ACACA: variants seen among roughly 807,000 people sequenced by gnomAD.
ACACA encodes acetyl-CoA carboxylase 1.
A neutral mutation model predicts 296.1 loss-of-function variants in ACACA; 103 were observed. The ratio of observed to expected loss-of-function variants is 0.35; its 90% CI spans 0.30 to 0.41. The LOEUF is 0.41. ACACA is among the 10% of genes least tolerant of loss of function. The probability of loss-of-function intolerance (pLI) is 1.00; values close to 1 mark genes in which losing one functional copy is unlikely to be tolerated. For missense variants in ACACA, 1,554 were observed against 2,989.7 expected, an observed-to-expected ratio of 0.52 and a Z score of 11.20; for synonymous variants, 953 against 1,038.6, an observed-to-expected ratio of 0.92 and a Z score of 1.58.
At chr17:37,141,806 C>T (rs541352328) in intron 45 of ACACA, among the ~76,000 whole-genome samples, 2 of 151,928 alleles carry the variant, frequency 1.3e-5, no homozygotes, top group Non-Finnish European at 2.9e-5. Flanking sequence ...ATTCTCCTGC[C>T]TCAGCCTCCT....
intron 5 of ACACA, among the ~76,000 whole-genome samples, chr17:37,279,377 G>A: frequency 6.6e-6 from 1 of 152,206 alleles, no homozygotes; most frequent in East Asian, 1.9e-4. Flanking sequence ...GCTCACGCCT[G>A]TAATCCTAGC....
chr17:37,303,772 C>T (rs762935845), intron 3 of ACACA, among the ~76,000 whole-genome samples: 23 of 152,276 alleles, frequency 1.5e-4, no homozygotes, highest in Middle Eastern at 3.4e-3. Flanking sequence ...GCAGGAGAAT[C>T]GCATGAACCC....
chr17:37,335,180 C>G (rs996517570), intron 2 of ACACA, among the ~76,000 whole-genome samples: 1 of 152,118 alleles, frequency 6.6e-6, no homozygotes, highest in African/African-American at 2.4e-5. Context: ...CTATTTAATA[C>G]CACCCTGACT....
intron 1 of ACACA, 94 bp downstream of exon 1, chr17:37,406,168 G>T: frequency 7.1e-7 from 1 of 1,413,378 alleles, no homozygotes; most frequent in Non-Finnish European, 1.0e-6. Flanking sequence ...TGTGTAACCT[G>T]CTTTGTGCAA....
Position 37,252,102 on chromosome 17 carries a change from G to A in ACACA, c.1984C>T (p.Arg662Ter), listed in dbSNP as rs755352202. 5.6e-6 allele frequency: 9 copies of A among 1,613,976 alleles called. No individual in the cohort carries two copies. The highest frequency in any genetic ancestry group is 5.3e-5 in the African/African-American group (4 of 74,898). Reference sequence around the variant, plus strand: ...ACAACCCCCAACATGGTGTCAGGTCGCTCAGCCTGAAAGGAGGAAAAAGAG... The same window carrying A: ...ACAACCCCCAACATGGTGTCAGGTCACTCAGCCTGAAAGGAGGAAAAAGAG... ...RLIAEKVQAERPDTMLGVVCG... is the reference protein window; with the variant it reads ...RLIAEKVQAE The change falls in exon 16 of 56, where the codon CGA (arginine) becomes TGA (stop). Residue 662 changes from arginine (R) to a stop codon, truncating the protein, a stop_gained. Coordinates refer to ENST00000616317, the MANE Select transcript of ACACA (RefSeq NM_198834.3). LOFTEE classifies it high-confidence loss of function.
chr17:37,333,633 A>G (rs1379772534), intron 2 of ACACA, among the ~76,000 whole-genome samples: 2 of 151,784 alleles, frequency 1.3e-5, no homozygotes, highest in East Asian at 1.9e-4. Flanking sequence ...CAAACCCTTC[A>G]CTTAGGTATT....
chr17:37,379,295 G>A, intron 1 of ACACA: 1 of 1,613,986 alleles, frequency 6.2e-7, no homozygotes, highest in African/African-American at 1.3e-5. Context: ...AATCATTGCT[G>A]CTCCCCGCAG....
chr17:37,379,114 C>A, intron 1 of ACACA: 1 of 1,593,076 alleles, frequency 6.3e-7, no homozygotes, highest in Non-Finnish European at 8.5e-7. Context: ...CTCCATTTTT[C>A]TATCTGGTTC....
At chr17:37,098,848 A>G (rs955638617) in intron 52 of ACACA, among the ~76,000 whole-genome samples, 1 of 152,230 alleles carries the variant, frequency 6.6e-6, no homozygotes, top group Non-Finnish European at 1.5e-5. Flanking sequence ...CCCAATCAAT[A>G]GTGTCCCAGT....
intron 27 of ACACA, among the ~76,000 whole-genome samples, chr17:37,223,999 C>T (rs1037609502): frequency 6.6e-6 from 1 of 152,174 alleles, no homozygotes; most frequent in Non-Finnish European, 1.5e-5. Context: ...GTCAGGAGTT[C>T]GAGACCAGCC....
chr17:37,232,573 A>G (rs1418082989), intron 25 of ACACA, among the ~76,000 whole-genome samples: 1 of 152,200 alleles, frequency 6.6e-6, no homozygotes, highest in Non-Finnish European at 1.5e-5. Flanking sequence ...GGCATTCAGT[A>G]ACATCAGATC....
At chr17:37,365,711 C>T (rs2049583053) in intron 1 of ACACA, 1 of 985,438 alleles carries the variant, frequency 1.0e-6, no homozygotes. Context: ...ACCATAAGGT[C>T]AGAAAATCTC....
At chr17:37,390,175 T>TATATATAA (rs60788220) in intron 1 of ACACA, among the ~76,000 whole-genome samples, 1 of 44,514 alleles carries the variant, frequency 2.2e-5, no homozygotes, top group Non-Finnish European at 3.6e-5. Context: ...TATATATATA[T>TATATATAA]ACACACACAC....
In ACACA at chr17:37,125,691, C is replaced by T. The variant is rs2074748273; in HGVS notation, c.6041+7G>A. 3 of 1,610,062 alleles carry T rather than the reference C, an allele frequency of 1.9e-6. No individual in the cohort carries two copies. The highest frequency in any genetic ancestry group is 3.3e-5 in the Admixed American group (2 of 59,974). On this transcript the variant is annotated splice_region_variant and intron_variant, in intron 48 of 55. Coordinates refer to ENST00000616317, the MANE Select transcript of ACACA (RefSeq NM_198834.3). Reference sequence around the variant, plus strand: ...AAAAAGAGCTGCCAAAACAAAAGAGCTCTTACCTGGCTCTACCAACCACCA... The same window carrying T: ...AAAAAGAGCTGCCAAAACAAAAGAGTTCTTACCTGGCTCTACCAACCACCA...
intron 8 of ACACA, chr17:37,274,708 C>A: frequency 1.0e-6 from 1 of 983,236 alleles, no homozygotes; most frequent in African/African-American, 1.7e-5. Context: ...ATAGAAATGG[C>A]GGTTTTATTG....
chr17:37,090,496 G>T (rs1292088367), intron 54 of ACACA, among the ~76,000 whole-genome samples: 1 of 152,156 alleles, frequency 6.6e-6, no homozygotes, highest in Non-Finnish European at 1.5e-5. Flanking sequence ...CTGATAAGCA[G>T]ATCAGCAATT....
intron 49 of ACACA, among the ~76,000 whole-genome samples, chr17:37,122,028 T>C (rs1395198013): frequency 1.3e-5 from 2 of 152,004 alleles, no homozygotes; most frequent in Admixed American, 6.6e-5. Flanking sequence ...TCCCAACACT[T>C]TGGGAGGCTG....
intron 8 of ACACA, among the ~76,000 whole-genome samples, 173 bp downstream of exon 8, chr17:37,275,778 T>C (rs1005634492): frequency 6.6e-6 from 1 of 152,196 alleles, no homozygotes; most frequent in Non-Finnish European, 1.5e-5. Flanking sequence ...TAAATTTATA[T>C]TACTAAAAGA....
chr17:37,263,535 G>A (rs890412405), intron 11 of ACACA, 150 bp downstream of exon 11: 1 of 711,232 alleles, frequency 1.4e-6, no homozygotes, highest in Non-Finnish European at 2.4e-6. Context: ...TGGGAGAACA[G>A]TAGAATTTTT....
Sources: gnomAD v4.1 joint callset for allele counts (sites outside exome capture counted in the v4.1 genomes callset) on GRCh38, gnomAD v4.1.1 for gene constraint, MANE v1.5 for transcripts, NCBI Gene and HGNC (gene_info 2026-07-23, HGNC 2026-07-21) for gene names.